The following USP12 variants were observed in gnomAD, a reference collection of about 807,000 sequenced individuals.
The protein encoded by USP12 is ubiquitin carboxyl-terminal hydrolase 12.
Under a neutral mutation model 45.5 loss-of-function variants are expected in USP12, and 19 were observed. The observed-to-expected ratio is 0.42, with a 90% CI of 0.29 to 0.61. USP12 has a LOEUF of 0.61. Ranked by LOEUF, USP12 falls within the 20% of genes least tolerant of loss-of-function variation. The probability of loss-of-function intolerance (pLI) is 0.22; values close to 1 mark genes in which losing one functional copy is unlikely to be tolerated. For missense variants in USP12, 242 were observed against 447.7 expected, an observed-to-expected ratio of 0.54 and a Z score of 4.15; for synonymous variants, 149 against 148.8, an observed-to-expected ratio of 1.00 and a Z score of -0.01.
At chr13:27,121,827 C>T (rs972523619) in intron 1 of USP12, among the ~76,000 whole-genome samples, 2 of 151,886 alleles carry the variant, frequency 1.3e-5, no homozygotes, top group African/African-American at 4.8e-5. Flanking sequence ...TGCCACTGCA[C>T]TCCAGCCTGG....
At chr13:27,112,741 A>G (rs551840549) in intron 2 of USP12, among the ~76,000 whole-genome samples, 11 of 152,356 alleles carry the variant, frequency 7.2e-5, no homozygotes, top group African/African-American at 2.4e-4. Context: ...TTGAAATAAC[A>G]TACAACCATA....
intron 6 of USP12, among the ~76,000 whole-genome samples, chr13:27,076,272 C>T (rs1212333977): frequency 6.6e-6 from 1 of 151,978 alleles, no homozygotes; most frequent in Non-Finnish European, 1.5e-5. Context: ...AGTAAAATAA[C>T]CTGGAAACTT....
At chr13:27,086,033 G>C (rs961725736) in intron 6 of USP12, among the ~76,000 whole-genome samples, 2 of 151,286 alleles carry the variant, frequency 1.3e-5, no homozygotes, top group African/African-American at 4.9e-5. Flanking sequence ...ATTCAGGCAC[G>C]GTGGCACACA....
chr13:27,102,286 CCA>C (rs1283802780), intron 3 of USP12, among the ~76,000 whole-genome samples: 2 of 152,138 alleles, frequency 1.3e-5, no homozygotes, highest in African/African-American at 4.8e-5. Flanking sequence ...AGTAGATCAC[CCA>C]CAGGCAGTAC....
In USP12 at chr13:27,110,127, T is replaced by TTAAAAAAAAAAAA. The variant is rs9319342; in HGVS notation, c.130-4184_130-4183insTTTTTTTTTTTTA. On this transcript the variant is annotated intron_variant, in intron 2 of 8. Coordinates refer to ENST00000282344, the MANE Select transcript of USP12 (RefSeq NM_182488.4). Reference sequence around the variant, plus strand: ...GATGACTAGGATTTCCTTTTCCAGGTAAAAAAAAAAAAAAAAAAAGGATAA... The same window carrying TTAAAAAAAAAAAA: ...GATGACTAGGATTTCCTTTTCCAGGTTAAAAAAAAAAAAAAAAAAAAAAAAAAAAAAAGGATAA... 5.9e-5 allele frequency among the ~76,000 whole-genome samples: 7 copies of TTAAAAAAAAAAAA among 119,620 alleles called. 1 individual carries two copies. Among genetic ancestry groups the TTAAAAAAAAAAAA allele is most frequent in the African/African-American group, 1.6e-4 (5 of 31,074 alleles). 78.5% of individuals were successfully genotyped at this position (119,620 alleles called of 152,430 possible). A position where few individuals can be genotyped will look rare whatever the true frequency, so the allele number is the denominator to read the frequency against.
At chr13:27,105,686 T>C (rs371224193) in intron 3 of USP12, 45 bp downstream of exon 3, 6 of 1,567,026 alleles carry the variant, frequency 3.8e-6, no homozygotes, top group Non-Finnish European at 5.2e-6. Context: ...CACACTATAT[T>C]TAACCTTCCT....
In USP12 at chr13:27,081,685, T is replaced by C. The variant is rs140565928; in HGVS notation, c.735-6297A>G. 4.3e-3 allele frequency among the ~76,000 whole-genome samples: 651 copies of C among 152,370 alleles called. 5 individuals are homozygous for C. Among genetic ancestry groups the C allele is most frequent in the African/African-American group, 0.015 (631 of 41,594 alleles). On this transcript the variant is annotated intron_variant, in intron 6 of 8. Transcript: ENST00000282344. ...GATCCATCAGAGGAATCTCAATCTA[T>C]GGCAGCTGTAGACTTAAAAAATATT...
chr13:27,127,562 C>T (rs1241609931), intron 1 of USP12, among the ~76,000 whole-genome samples: 3 of 152,150 alleles, frequency 2.0e-5, no homozygotes, highest in Non-Finnish European at 4.4e-5. Flanking sequence ...TATAATTTTG[C>T]CGTCCAGTAG....
chr13:27,085,524 T>C (rs1873972160), intron 6 of USP12, among the ~76,000 whole-genome samples: 1 of 152,142 alleles, frequency 6.6e-6, no homozygotes, highest in African/African-American at 2.4e-5. Flanking sequence ...ATGGTCTGTA[T>C]ACTCAACACA....
At chr13:27,155,116 C>G (rs111590870) in intron 1 of USP12, among the ~76,000 whole-genome samples, 14 of 117,280 alleles carry the variant, frequency 1.2e-4, no homozygotes, top group African/African-American at 4.3e-4. Flanking sequence ...GAACCTCGCT[C>G]TGTCACCCAG....
At chr13:27,095,077 C>G (rs1212944567) in intron 4 of USP12, among the ~76,000 whole-genome samples, 1 of 152,136 alleles carries the variant, frequency 6.6e-6, no homozygotes, top group Non-Finnish European at 1.5e-5. Context: ...ATTGCTTGAG[C>G]CCAGGAAGTC....
At chr13:27,109,920 A>AAAAAAAAAAAG in intron 2 of USP12, among the ~76,000 whole-genome samples, 1 of 151,174 alleles carries the variant, frequency 6.6e-6, no homozygotes, top group African/African-American at 2.4e-5. Context: ...TCCAAAAAAA[A>AAAAAAAAAAAG]AAAAAAGTCA....
rs917128864 is a variant in USP12, at chr13:27,129,160, T to A, written c.49-12564A>T. ...AAAGAGTTCTTCATTCTTACCACAA[T>A]AAGAAAGTGACCTGTAGCTCTTTCC... On this transcript the variant is annotated intron_variant, in intron 1 of 8. Coordinates refer to ENST00000282344, the MANE Select transcript of USP12 (RefSeq NM_182488.4). This position sits in a 1 kb window ranked among gnomAD's most constrained non-coding sequence, Gnocchi z 4.0. Among the ~76,000 whole-genome samples the A allele has an allele frequency of 1.9e-5, 1 of 54,046 alleles. No individual in the cohort carries two copies. The highest frequency in any genetic ancestry group is 3.1e-5 in the African/African-American group (1 of 32,316). 35.5% of individuals were successfully genotyped at this position (54,046 alleles called of 152,430 possible).
At chr13:27,148,213 A>T (rs1877397712) in intron 1 of USP12, among the ~76,000 whole-genome samples, 1 of 152,166 alleles carries the variant, frequency 6.6e-6, no homozygotes, top group Admixed American at 6.5e-5. Flanking sequence ...AATACTAAAG[A>T]AAGTTGTTCA....
intron 1 of USP12, among the ~76,000 whole-genome samples, chr13:27,158,457 TTGAC>T (rs2137840126): frequency 6.6e-6 from 1 of 152,300 alleles, no homozygotes; most frequent in East Asian, 1.9e-4. Flanking sequence ...TTCTGAGAAA[TTGAC>T]TGTTAAGCAA....
intron 1 of USP12, chr13:27,170,114 G>C (rs1878520934): frequency 2.6e-6 from 1 of 390,636 alleles, no homozygotes; most frequent in Non-Finnish European, 4.5e-6. Flanking sequence ...TTTTAATATA[G>C]TCCATTTAAT....
At chr13:27,080,200 C>A (rs1873684688) in intron 6 of USP12, among the ~76,000 whole-genome samples, 1 of 152,146 alleles carries the variant, frequency 6.6e-6, no homozygotes. Context: ...GAAGGACCCA[C>A]CCAACTCAGA....
intron 1 of USP12, among the ~76,000 whole-genome samples, chr13:27,140,371 A>C (rs1877001462): frequency 6.6e-6 from 1 of 152,252 alleles, no homozygotes; most frequent in Non-Finnish European, 1.5e-5. Flanking sequence ...TTTTCAATTC[A>C]GCACAGTTAT....
rs1333673605 is a variant in USP12, at chr13:27,066,747, G to A, written c.*2536C>T. 1 of 152,130 alleles carries A rather than the reference G, an allele frequency of 6.6e-6. No homozygotes were observed. The highest frequency in any genetic ancestry group is 1.9e-4 in the East Asian group (1 of 5,188). The allele number at this position is 152,130 out of a possible 1,614,324, so 9.4% of individuals were successfully genotyped here. The stretch of plus-strand genomic sequence containing the variant: ...ATGGGACAGCCATCCCAACAATCAT[G>A]TACATAGTTACACGGCAATCAGCCA... On this transcript the variant is annotated 3_prime_UTR_variant, in exon 9 of 9. Transcript: ENST00000282344.
Sources: gnomAD v4.1 joint callset for allele counts (sites outside exome capture counted in the v4.1 genomes callset) on GRCh38, gnomAD v4.1.1 for gene constraint, Gnocchi (gnomAD v3.1) non-coding constraint, MANE v1.5 for transcripts, NCBI Gene and HGNC (gene_info 2026-07-23, HGNC 2026-07-21) for gene names.